PALLD: variants seen among roughly 807,000 people sequenced by gnomAD.
The protein encoded by PALLD is palladin, cytoskeletal associated protein, also known as palladin.
In PALLD, 61 loss-of-function variants were observed where a neutral mutation model predicts 123.5. The observed-to-expected ratio is 0.49, with a 90% CI of 0.40 to 0.61. The LOEUF (loss-of-function observed/expected upper bound fraction) is 0.61. Among genes scored for constraint, PALLD ranks in the 20% least tolerant of loss-of-function variants. The pLI is 0.00. For missense variants in PALLD, 1,273 were observed against 1,377.0 expected (o/e 0.92, Z 1.20); for synonymous variants, 465 against 496.4 (o/e 0.94, Z 0.84).
chr4:168,541,320 C>G (rs1765588413), intron 2 of PALLD, among the ~76,000 whole-genome samples: 1 of 152,146 alleles, frequency 6.6e-6, no homozygotes, highest in South Asian at 2.1e-4. Flanking sequence ...CATCCAACAA[C>G]AAAATTCAGC....
At position 168,711,708 on chromosome 4, in the gene PALLD, G is replaced by T; in HGVS notation, c.1749G>T (p.Glu583Asp). ...SLELASKKPS[E>D]IQQVNNPELG... ...AGTTGGCTTCAAAGAAACCATCTGA[G>T]ATCCAGCAGGTGAACAACCCTGAGT... Residue 583 changes from glutamate (E) to aspartate (D), a missense_variant, in exon 10 of 22, where the codon GAG becomes GAT. Coordinates refer to ENST00000505667, the MANE Select transcript of PALLD (RefSeq NM_001166108.2). 1 of 1,614,086 alleles carries T rather than the reference G, an allele frequency of 6.2e-7. No individual in the cohort carries two copies. Among genetic ancestry groups the T allele is most frequent in the Non-Finnish European group, 8.5e-7 (1 of 1,179,984 alleles).
chr4:168,603,536 G>T (rs1772881480), intron 2 of PALLD, among the ~76,000 whole-genome samples: 1 of 152,148 alleles, frequency 6.6e-6, no homozygotes. Context: ...ATTCAGAAAA[G>T]TACAGCTTGT....
At chr4:168,818,570 G>A (rs1401469371) in intron 10 of PALLD, among the ~76,000 whole-genome samples, 4 of 152,196 alleles carry the variant, frequency 2.6e-5, no homozygotes, top group Non-Finnish European at 4.4e-5. Context: ...GGACAACAGA[G>A]TGAGACCCTG....
chr4:168,747,526 A>G (rs1290089921), intron 10 of PALLD, among the ~76,000 whole-genome samples: 3 of 152,224 alleles, frequency 2.0e-5, no homozygotes, highest in Admixed American at 6.5e-5. Context: ...ATGAGACAGT[A>G]TGTTTGAAAC....
At chr4:168,667,692 T>G (rs1779790302) in intron 2 of PALLD, among the ~76,000 whole-genome samples, 1 of 152,326 alleles carries the variant, frequency 6.6e-6, no homozygotes, top group African/African-American at 2.4e-5. Flanking sequence ...TGGAAGGCAT[T>G]AAATCTGTTA....
Position 168,592,686 on chromosome 4 carries a change from C to G in PALLD, c.909-75504C>G, listed in dbSNP as rs1175187149. Among the ~76,000 whole-genome samples the G allele has an allele frequency of 2.6e-5, 4 of 151,876 alleles. No homozygotes were observed. In the East Asian group the frequency reaches 5.8e-4, roughly 22 times the overall value. Reference sequence around the variant, plus strand: ...AACTCTTCTTCTGTTATGGTTATGCCTTACATATCATATCTCTCCTATAGA... The same window carrying G: ...AACTCTTCTTCTGTTATGGTTATGCGTTACATATCATATCTCTCCTATAGA... On this transcript the variant is annotated intron_variant, in intron 2 of 21. Coordinates refer to ENST00000505667, the MANE Select transcript of PALLD (RefSeq NM_001166108.2).
intron 10 of PALLD, among the ~76,000 whole-genome samples, chr4:168,765,413 T>A (rs570692737): frequency 6.6e-6 from 1 of 152,036 alleles, no homozygotes; most frequent in South Asian, 2.1e-4. Context: ...AGGGTAGGAA[T>A]GTACTGGAAA....
intron 10 of PALLD, among the ~76,000 whole-genome samples, chr4:168,805,426 T>C (rs909147282): frequency 4.6e-5 from 7 of 152,090 alleles, no homozygotes; most frequent in African/African-American, 1.7e-4. Context: ...TAAAACTATT[T>C]AAGGAATTTT....
At chr4:168,539,649 C>A (rs1386280178) in intron 2 of PALLD, among the ~76,000 whole-genome samples, 1 of 151,468 alleles carries the variant, frequency 6.6e-6, no homozygotes. Flanking sequence ...TGTGCAAAGG[C>A]CTCTCACAAT....
At chr4:168,531,109 G>A (rs542671211) in intron 2 of PALLD, among the ~76,000 whole-genome samples, 28 of 152,272 alleles carry the variant, frequency 1.8e-4, no homozygotes, top group Admixed American at 3.9e-4. Context: ...AAATAATAAT[G>A]TTATGATATT....
intron 2 of PALLD, among the ~76,000 whole-genome samples, chr4:168,589,417 CT>C (rs934432334): frequency 2.6e-5 from 4 of 152,072 alleles, no homozygotes; most frequent in African/African-American, 7.2e-5. Context: ...TCTGAGTCAT[CT>C]TTTTTTAAGG....
At chr4:168,784,032 G>T (rs1736322290) in intron 10 of PALLD, among the ~76,000 whole-genome samples, 1 of 152,024 alleles carries the variant, frequency 6.6e-6, no homozygotes, top group Non-Finnish European at 1.5e-5. Flanking sequence ...ATAACTTGAG[G>T]CCAGGAGTTC....
intron 10 of PALLD, among the ~76,000 whole-genome samples, chr4:168,713,962 TTTTTTTC>T (rs1785089720): frequency 6.8e-6 from 1 of 147,468 alleles, no homozygotes; most frequent in African/African-American, 2.5e-5. Flanking sequence ...TTTTTTTTTT[TTTTTTTC>T]AAATCTTCGT....
chr4:168,874,698 A>G (rs977102120), intron 10 of PALLD, among the ~76,000 whole-genome samples: 3 of 151,952 alleles, frequency 2.0e-5, no homozygotes, highest in African/African-American at 7.3e-5. Flanking sequence ...TATGTGTTAC[A>G]TGCCTGAAGT....
At position 168,811,936 on chromosome 4, in the gene PALLD, T is replaced by TA. The variant is rs371205075; in HGVS notation, c.1965-78985dup. On this transcript the variant is annotated intron_variant, in intron 10 of 21. Coordinates refer to ENST00000505667, the MANE Select transcript of PALLD (RefSeq NM_001166108.2). ...AAATATTGGGTGAAGGTGACAGTCC[T>TA]ACCCTCGCCTGTTTCCTGAAGGTCT... 4.3e-3 allele frequency among the ~76,000 whole-genome samples: 655 copies of TA among 152,252 alleles called. 8 individuals carry two copies. Among genetic ancestry groups the TA allele is most frequent in the African/African-American group, 0.015 (630 of 41,536 alleles).
chr4:168,682,828 T>G (rs1481451947), intron 4 of PALLD, among the ~76,000 whole-genome samples, 170 bp from the exon 5 acceptor site: 1 of 152,090 alleles, frequency 6.6e-6, no homozygotes, highest in Non-Finnish European at 1.5e-5. Context: ...TAGCTGTAGG[T>G]TATGCATTCC....
At chr4:168,730,793 G>T (rs2150306693) in intron 10 of PALLD, among the ~76,000 whole-genome samples, 1 of 152,166 alleles carries the variant, frequency 6.6e-6, no homozygotes, top group Non-Finnish European at 1.5e-5. Context: ...GTAAGGGAAG[G>T]GGGTTGGCTT....
intron 1 of PALLD, among the ~76,000 whole-genome samples, chr4:168,504,258 A>G (rs763689019): frequency 6.6e-5 from 10 of 152,204 alleles, no homozygotes; most frequent in Non-Finnish European, 1.2e-4. Context: ...CATTTCCTCC[A>G]TGGTGAAGAA....
chr4:168,768,702 C>G (rs140877834), intron 10 of PALLD, among the ~76,000 whole-genome samples: 3,225 of 152,316 alleles, frequency 0.021, 51 homozygotes, highest in South Asian at 0.041. Flanking sequence ...GAGATGGAGT[C>G]TTGCTCTGTC....
Sources: allele counts gnomAD v4.1 joint callset (sites outside exome capture counted in the v4.1 genomes callset), GRCh38; gene constraint gnomAD v4.1.1; transcripts MANE v1.5; gene names NCBI Gene and HGNC (gene_info 2026-07-23, HGNC 2026-07-21).